Variants in C8orf74 observed in about 807,000 individuals in gnomAD.
The protein encoded by C8orf74 is uncharacterized protein C8orf74.
A neutral mutation model predicts 22.2 loss-of-function variants in C8orf74; 29 were observed. The observed-to-expected ratio is 1.31, with a 90% CI of 0.97 to 1.78. The LOEUF (loss-of-function observed/expected upper bound fraction) is 1.78, where lower values mean the gene tolerates loss of function less well. C8orf74 is among the 40% of genes most tolerant of loss of function. C8orf74 has a pLI of 0.00. For missense variants in C8orf74, 515 were observed against 369.9 expected (o/e 1.39, Z -3.22); for synonymous variants, 255 against 163.1 (o/e 1.56, Z -4.30).
At position 10,700,190 on chromosome 8, in the gene C8orf74, C is replaced by T. The variant is rs148093950; in HGVS notation, c.649-45C>T. The T allele has an allele frequency of 8.6e-4, 1,124 of 1,302,038 alleles. 9 individuals carry two copies. In the East Asian group the frequency reaches 0.025, roughly 29 times the overall value. The allele number at this position is 1,302,038 out of a possible 1,614,324, so 80.7% of individuals were successfully genotyped here. ...GGGCTGAGTTGAGAACTGGATCCGGCGAGGCTCCCCAGCCCTGCTCATCGG... is the reference window on the plus strand; with the variant it reads ...GGGCTGAGTTGAGAACTGGATCCGGTGAGGCTCCCCAGCCCTGCTCATCGG... On this transcript the variant is annotated intron_variant, in intron 3 of 3. Transcript: ENST00000304519.
intron 2 of C8orf74, chr8:10,690,820 T>C: frequency 2.2e-6 from 1 of 449,198 alleles, no homozygotes; most frequent in Non-Finnish European, 4.5e-6. Flanking sequence ...TCCCCCGCCC[T>C]TCCCCTCCTC....
At chr8:10,694,660 T>C (rs1799451244) in intron 2 of C8orf74, among the ~76,000 whole-genome samples, 1 of 152,244 alleles carries the variant, frequency 6.6e-6, no homozygotes, top group Non-Finnish European at 1.5e-5. Context: ...TGCTTAGGAA[T>C]CAAAGAAAAG....
intron 2 of C8orf74, among the ~76,000 whole-genome samples, chr8:10,683,247 C>T (rs1448102527): frequency 2.0e-5 from 3 of 152,226 alleles, no homozygotes; most frequent in Non-Finnish European, 2.9e-5. Context: ...CTGGCCCCAG[C>T]AGGAAGGCTC....
intron 2 of C8orf74, among the ~76,000 whole-genome samples, chr8:10,693,204 G>A (rs147258348): frequency 2.3e-3 from 343 of 152,278 alleles, no homozygotes; most frequent in African/African-American, 7.8e-3. Flanking sequence ...AGTGGGCCAT[G>A]CCTGCTTCAA....
At chr8:10,683,164 G>C (rs551945733) in intron 2 of C8orf74, among the ~76,000 whole-genome samples, 1 of 152,352 alleles carries the variant, frequency 6.6e-6, no homozygotes, top group South Asian at 2.1e-4. Flanking sequence ...GCAACACCTG[G>C]ATGAGCCAGG....
chr8:10,695,866 A>C, intron 2 of C8orf74, among the ~76,000 whole-genome samples: 1 of 152,004 alleles, frequency 6.6e-6, no homozygotes, highest in African/African-American at 2.4e-5. Context: ...TGTTACTTTC[A>C]TTGTCGGCAG....
intron 2 of C8orf74, among the ~76,000 whole-genome samples, chr8:10,682,124 C>T (rs1263527025): frequency 6.6e-6 from 1 of 152,166 alleles, no homozygotes; most frequent in African/African-American, 2.4e-5. Flanking sequence ...AGAGAAGGTG[C>T]CAGCCTCTGC....
chr8:10,681,455 T>C (rs906923896), intron 2 of C8orf74, among the ~76,000 whole-genome samples: 2 of 152,066 alleles, frequency 1.3e-5, no homozygotes, highest in African/African-American at 4.8e-5. Context: ...TATCTAATCC[T>C]GGGGAGGCTC....
intron 3 of C8orf74, among the ~76,000 whole-genome samples, chr8:10,699,331 C>T (rs924952883): frequency 3.3e-5 from 5 of 152,174 alleles, no homozygotes; most frequent in African/African-American, 1.2e-4. Context: ...GGGCATAGAA[C>T]AAAAAACACC....
At chr8:10,698,330 C>G (rs1033033062) in intron 3 of C8orf74, among the ~76,000 whole-genome samples, 1 of 152,106 alleles carries the variant, frequency 6.6e-6, no homozygotes, top group African/African-American at 2.4e-5. Flanking sequence ...TGGTCAGTGA[C>G]AGATTCCACC....
At position 10,674,793 on chromosome 8, in the gene C8orf74, G is replaced by A. The variant is rs1798997307; in HGVS notation, c.196G>A (p.Ala66Thr). 6.2e-7 allele frequency: 1 copy of A among 1,606,042 alleles called. No individual in the cohort carries two copies. The highest frequency in any genetic ancestry group is 2.2e-5 in the East Asian group (1 of 44,574). The change falls in exon 2 of 4, where the codon GCC becomes ACC. Residue 66 changes from alanine to threonine, a missense_variant. Coordinates refer to ENST00000304519, the MANE Select transcript of C8orf74 (RefSeq NM_001040032.2). The stretch of plus-strand genomic sequence containing the variant: ...CAAAGGCTTCCCATGGGTGGAGGTG[G>A]CCCAGGTGGTCAAGTTCACAGAAGA... ...VGKGFPWVEVAQVVKFTEELL... is the reference protein window; with the variant it reads ...VGKGFPWVEVTQVVKFTEELL...
chr8:10,681,165 G>A (rs982554331), intron 2 of C8orf74, among the ~76,000 whole-genome samples: 11 of 152,044 alleles, frequency 7.2e-5, no homozygotes, highest in Admixed American at 1.3e-4. Context: ...AGGCCTTGGC[G>A]CAGGGAGGGA....
intron 2 of C8orf74, among the ~76,000 whole-genome samples, chr8:10,693,899 C>T (rs527746260): frequency 2.0e-5 from 3 of 152,226 alleles, no homozygotes; most frequent in Non-Finnish European, 4.4e-5. Flanking sequence ...CTGTCTTCCA[C>T]CCACCTCTCC....
Position 10,693,273 on chromosome 8 carries a change from T to G in C8orf74, c.242-4326T>G, listed in dbSNP as rs114885535. Among the ~76,000 whole-genome samples the G allele has an allele frequency of 8.8e-3, 1,343 of 152,284 alleles. 24 individuals are homozygous for G. The highest frequency in any genetic ancestry group is 0.031 in the African/African-American group (1,284 of 41,554). ...TGCCTTGCCCTTCACCACCTCTCTT[T>G]GCCCAGTAAACCCCTCTGACCCAGT... On this transcript the variant is annotated intron_variant, in intron 2 of 3. Transcript: ENST00000304519.
chr8:10,684,867 A>T (rs1799228041), intron 2 of C8orf74, among the ~76,000 whole-genome samples: 1 of 152,220 alleles, frequency 6.6e-6, no homozygotes, highest in East Asian at 1.9e-4. Context: ...TGGGGCCATC[A>T]TTAAGTCAAA....
intron 2 of C8orf74, among the ~76,000 whole-genome samples, chr8:10,681,381 G>A (rs924587403): frequency 1.1e-4 from 16 of 152,306 alleles, no homozygotes; most frequent in Non-Finnish European, 8.8e-5. Context: ...AGGGGCGGGA[G>A]TCTTCCAGCT....
chr8:10,684,747 T>A (rs1799225194), intron 2 of C8orf74, among the ~76,000 whole-genome samples: 2 of 152,236 alleles, frequency 1.3e-5, no homozygotes, highest in African/African-American at 4.8e-5. Context: ...AGCATATGAT[T>A]TTCTTTGTTT....
chr8:10,679,230 G>A (rs956960547), intron 2 of C8orf74, among the ~76,000 whole-genome samples: 3 of 152,042 alleles, frequency 2.0e-5, no homozygotes, highest in African/African-American at 7.2e-5. Flanking sequence ...CATAGAGGAA[G>A]CCCTGAAAGT....
chr8:10,677,050 T>C (rs1354514854), intron 2 of C8orf74, among the ~76,000 whole-genome samples: 2 of 152,160 alleles, frequency 1.3e-5, no homozygotes, highest in African/African-American at 4.8e-5. Context: ...AGCACAGCTA[T>C]GTCTCATGGA....
Sources: allele counts gnomAD v4.1 joint callset (sites outside exome capture counted in the v4.1 genomes callset), GRCh38; gene constraint gnomAD v4.1.1; transcripts MANE v1.5; gene names NCBI Gene and HGNC (gene_info 2026-07-23, HGNC 2026-07-21).